The following JAKMIP2 variants were observed in gnomAD, a reference collection of about 807,000 sequenced individuals.
JAKMIP2 encodes janus kinase and microtubule interacting protein 2, also known as janus kinase and microtubule-interacting protein 2.
Under a neutral mutation model 115.0 loss-of-function variants are expected in JAKMIP2, and 25 were observed. The observed-to-expected ratio is 0.22, with a 90% CI of 0.16 to 0.30. The LOEUF (loss-of-function observed/expected upper bound fraction) is 0.30. JAKMIP2 is among the 10% of genes least tolerant of loss of function. The pLI, the probability that JAKMIP2 is intolerant of heterozygous loss-of-function variation, is 1.00. For missense variants in JAKMIP2, 642 were observed against 957.6 expected (o/e 0.67, Z 4.35); for synonymous variants, 334 against 343.6 (o/e 0.97, Z 0.31).
intron 1 of JAKMIP2, among the ~76,000 whole-genome samples, chr5:147,738,661 C>T (rs1754017747): frequency 6.6e-6 from 1 of 151,912 alleles, no homozygotes; most frequent in Non-Finnish European, 1.5e-5. Flanking sequence ...AAAAGTTTCA[C>T]AATCAATTTA....
At chr5:147,617,306 C>T (rs926680889) in intron 19 of JAKMIP2, among the ~76,000 whole-genome samples, 2 of 152,126 alleles carry the variant, frequency 1.3e-5, no homozygotes. Flanking sequence ...TTGGGCAAAT[C>T]ACTTAAGCAT....
intron 1 of JAKMIP2, among the ~76,000 whole-genome samples, chr5:147,683,399 C>T (rs960271560): frequency 4.6e-5 from 7 of 151,910 alleles, no homozygotes; most frequent in East Asian, 3.9e-4. Context: ...GGTTGAGGCA[C>T]GAGAATCACT....
chr5:147,780,214 G>T (rs1755708409), intron 1 of JAKMIP2, among the ~76,000 whole-genome samples: 1 of 151,966 alleles, frequency 6.6e-6, no homozygotes, highest in Non-Finnish European at 1.5e-5. Flanking sequence ...TAAATAGTGG[G>T]GTCAAAAGCT....
intron 1 of JAKMIP2, among the ~76,000 whole-genome samples, chr5:147,766,914 G>A (rs184591590): frequency 2.0e-5 from 3 of 152,214 alleles, no homozygotes; most frequent in Admixed American, 6.5e-5. Flanking sequence ...ATAATGCTGA[G>A]TGGAAAGTGG....
At chr5:147,615,520 C>T (rs147008527) in intron 19 of JAKMIP2, among the ~76,000 whole-genome samples, 45 of 151,970 alleles carry the variant, frequency 3.0e-4, no homozygotes, top group African/African-American at 9.7e-4. Flanking sequence ...AAGAGACCTG[C>T]GTAAGACTCT....
intron 1 of JAKMIP2, among the ~76,000 whole-genome samples, chr5:147,677,325 T>C (rs568516523): frequency 6.2e-4 from 94 of 152,328 alleles, no homozygotes; most frequent in African/African-American, 1.3e-3. Context: ...AGCGCTGTCT[T>C]CAAGATGCTT....
chr5:147,640,349 G>T (rs1757823277), intron 9 of JAKMIP2, among the ~76,000 whole-genome samples: 1 of 152,108 alleles, frequency 6.6e-6, no homozygotes. Flanking sequence ...TTCTGATGAG[G>T]ATGGTCCACA....
intron 1 of JAKMIP2, among the ~76,000 whole-genome samples, chr5:147,702,439 T>TAGGAAGGAAGGA (rs377372312): frequency 1.2e-5 from 1 of 85,686 alleles, no homozygotes; most frequent in African/African-American, 5.7e-5. Context: ...GGAAGGAAGG[T>TAGGAAGGAAGGA]AGGAAGGAAG....
chr5:147,756,730 G>C (rs1329825083), intron 1 of JAKMIP2, among the ~76,000 whole-genome samples: 1 of 152,032 alleles, frequency 6.6e-6, no homozygotes, highest in Non-Finnish European at 1.5e-5. Context: ...TACAGGGCCT[G>C]CCAATATAAA....
At chr5:147,760,656 A>G (rs1471184973) in intron 1 of JAKMIP2, among the ~76,000 whole-genome samples, 1 of 152,170 alleles carries the variant, frequency 6.6e-6, no homozygotes, top group East Asian at 1.9e-4. Flanking sequence ...GAGTAGGTGT[A>G]GACAGCTTTG....
chr5:147,666,891 A>G (rs1052540706), intron 2 of JAKMIP2, among the ~76,000 whole-genome samples: 1 of 152,194 alleles, frequency 6.6e-6, no homozygotes, highest in Non-Finnish European at 1.5e-5. Context: ...CTATTAATAC[A>G]TGGTGGATAT....
intron 1 of JAKMIP2, among the ~76,000 whole-genome samples, chr5:147,683,349 G>A (rs1222226427): frequency 6.6e-6 from 1 of 152,066 alleles, no homozygotes; most frequent in Admixed American, 6.6e-5. Context: ...AAAATTAGCG[G>A]GGCGTGGTGG....
chr5:147,654,777 C>A (rs549264506), intron 3 of JAKMIP2, among the ~76,000 whole-genome samples: 3 of 152,122 alleles, frequency 2.0e-5, no homozygotes, highest in African/African-American at 7.2e-5. Context: ...GAGAGGGCAT[C>A]CTTGTCTTGT....
At chr5:147,743,950 C>CCCCT (rs573376774) in intron 1 of JAKMIP2, among the ~76,000 whole-genome samples, 8 of 144,892 alleles carry the variant, frequency 5.5e-5, no homozygotes, top group East Asian at 2.3e-4. Context: ...AGCTTTCTTT[C>CCCCT]CCCTCCCTCC....
At chr5:147,749,236 C>CAA (rs879428733) in intron 1 of JAKMIP2, among the ~76,000 whole-genome samples, 1 of 142,780 alleles carries the variant, frequency 7.0e-6, no homozygotes, top group African/African-American at 2.6e-5. Flanking sequence ...ACAATAACAG[C>CAA]AAAAAAAAAA....
At chr5:147,740,706 C>T (rs1754112537) in intron 1 of JAKMIP2, among the ~76,000 whole-genome samples, 1 of 152,196 alleles carries the variant, frequency 6.6e-6, no homozygotes, top group Non-Finnish European at 1.5e-5. Context: ...AAACTTGAAG[C>T]TCCAGTGTCA....
intron 3 of JAKMIP2, among the ~76,000 whole-genome samples, chr5:147,656,355 T>C (rs914139246): frequency 6.6e-6 from 1 of 152,244 alleles, no homozygotes; most frequent in African/African-American, 2.4e-5. Context: ...ACTTGTTTTA[T>C]GAATCTGGGT....
intron 1 of JAKMIP2, among the ~76,000 whole-genome samples, chr5:147,690,218 T>G (rs546744253): frequency 6.6e-6 from 1 of 151,868 alleles, no homozygotes; most frequent in East Asian, 1.9e-4. Flanking sequence ...TTGTTAGGCA[T>G]GGTGTTTGGG....
At chr5:147,610,080 T>C (rs1581280719) in intron 20 of JAKMIP2, among the ~76,000 whole-genome samples, 1 of 152,326 alleles carries the variant, frequency 6.6e-6, no homozygotes, top group South Asian at 2.1e-4. Flanking sequence ...GCAATTCCTC[T>C]AACCTTTTAT....
Sources: allele counts gnomAD v4.1 joint callset (sites outside exome capture counted in the v4.1 genomes callset), GRCh38; gene constraint gnomAD v4.1.1; transcripts MANE v1.5; gene names NCBI Gene and HGNC (gene_info 2026-07-23, HGNC 2026-07-21).